Variants in KANSL1 observed in about 807,000 individuals in gnomAD.
The protein encoded by KANSL1 is KAT8 regulatory NSL complex subunit 1, also known as MLL1/MLL complex subunit KANSL1.
A neutral mutation model predicts 103.6 loss-of-function variants in KANSL1; 22 were observed. The observed-to-expected ratio is 0.21, with a 90% confidence interval of 0.15 to 0.30. The LOEUF is 0.30. KANSL1 is among the 10% of genes least tolerant of loss of function. The pLI is 1.00. For missense variants in KANSL1, 1,337 were observed against 1,399.8 expected, an observed-to-expected ratio of 0.96 and a Z score of 0.72; for synonymous variants, 600 against 527.6, an observed-to-expected ratio of 1.14 and a Z score of -1.88.
At position 46,031,061 on chromosome 17, in the gene KANSL1, G is replaced by A. The variant is rs988842186; in HGVS notation, c.*415C>T. On this transcript the variant is annotated 3_prime_UTR_variant, in exon 15 of 15. Coordinates refer to ENST00000432791, the MANE Select transcript of KANSL1 (RefSeq NM_015443.4). ...ACAGATGGGAGGGGAGGGGGTAAGA[G>A]TCCAGAGCACCCTGCCCCATTCCAC... The A allele has an allele frequency of 1.0e-4, 18 of 180,238 alleles. No homozygotes were observed. Among genetic ancestry groups the A allele is most frequent in the Non-Finnish European group, 2.0e-4 (17 of 84,536 alleles). The allele number at this position is 180,238 out of a possible 1,614,324, so 11.2% of individuals were successfully genotyped here.
intron 1 of KANSL1, among the ~76,000 whole-genome samples, chr17:46,177,067 G>A (rs375494416): frequency 3.3e-5 from 5 of 152,268 alleles, no homozygotes; most frequent in African/African-American, 1.2e-4. Context: ...TAAGTAAGAG[G>A]AGCACTGACT....
chr17:46,183,939 G>C (rs576845105), intron 1 of KANSL1, among the ~76,000 whole-genome samples: 19 of 152,224 alleles, frequency 1.2e-4, no homozygotes, highest in African/African-American at 4.3e-4. Flanking sequence ...GAAATGAGTA[G>C]AATTCAGCAT....
At chr17:46,074,848 G>A (rs2078703438) in intron 4 of KANSL1, among the ~76,000 whole-genome samples, 1 of 152,010 alleles carries the variant, frequency 6.6e-6, no homozygotes, top group Non-Finnish European at 1.5e-5. Context: ...TAATTTTACA[G>A]AGGAGAAAGC....
At chr17:46,160,932 T>G (rs2045702187) in intron 2 of KANSL1, among the ~76,000 whole-genome samples, 1 of 152,208 alleles carries the variant, frequency 6.6e-6, no homozygotes, top group African/African-American at 2.4e-5. Flanking sequence ...TACTTAAACT[T>G]TCCATTCTGC....
intron 2 of KANSL1, among the ~76,000 whole-genome samples, chr17:46,156,326 G>T (rs896691252): frequency 6.6e-6 from 1 of 152,104 alleles, no homozygotes; most frequent in Non-Finnish European, 1.5e-5. Context: ...CAGCCTGGGC[G>T]ACAGACCGAG....
chr17:46,149,253 G>A (rs952713713), intron 2 of KANSL1, among the ~76,000 whole-genome samples: 8 of 151,976 alleles, frequency 5.3e-5, no homozygotes, highest in Non-Finnish European at 7.4e-5. Context: ...CGCCCGTCTC[G>A]GCCTCCCAAA....
rs114609727 is a variant in KANSL1 at position 46,071,993 on chromosome 17, C to G, written c.1534-4326G>C. On this transcript the variant is annotated intron_variant, in intron 4 of 14. Transcript: ENST00000432791. ...GAATTGCTCCCCCCACCCCTCCCCC[C>G]GCCCCGATTGAAAGGGCCAGGTGTA... is the stretch of plus-strand genomic sequence containing the variant. Among the ~76,000 whole-genome samples the G allele has an allele frequency of 8.7e-3, 1,297 of 149,180 alleles. 18 individuals carry two copies. The highest frequency in any genetic ancestry group is 0.027 in the African/African-American group (1,114 of 40,742).
intron 7 of KANSL1, among the ~76,000 whole-genome samples, chr17:46,047,260 T>G (rs1160683423): frequency 6.6e-6 from 1 of 152,232 alleles, no homozygotes; most frequent in Non-Finnish European, 1.5e-5. Flanking sequence ...AACAGGGGAT[T>G]ATAGTTATCT....
chr17:46,173,860 A>G (rs768980819), intron 1 of KANSL1, among the ~76,000 whole-genome samples: 2 of 152,232 alleles, frequency 1.3e-5, no homozygotes, highest in African/African-American at 2.4e-5. Context: ...GATGAAAGGG[A>G]AAGTATGCAT....
At chr17:46,144,283 A>AT (rs1159605989) in intron 2 of KANSL1, among the ~76,000 whole-genome samples, 1 of 152,248 alleles carries the variant, frequency 6.6e-6, no homozygotes, top group Non-Finnish European at 1.5e-5. Context: ...TAATCAAAAA[A>AT]TGTTTGTTGA....
intron 2 of KANSL1, among the ~76,000 whole-genome samples, chr17:46,102,770 G>A (rs2042376553): frequency 6.6e-6 from 1 of 152,156 alleles, no homozygotes; most frequent in African/African-American, 2.4e-5. Context: ...TAGTTACCAA[G>A]AATTAGACTA....
intron 3 of KANSL1, chr17:46,093,718 G>A (rs575227072): frequency 6.6e-6 from 1 of 152,314 alleles, no homozygotes; most frequent in African/African-American, 2.4e-5. Context: ...AGGTCAAAAA[G>A]GCATTTTGAC....
intron 1 of KANSL1, among the ~76,000 whole-genome samples, chr17:46,204,016 G>A (rs1478976022): frequency 6.6e-6 from 1 of 152,112 alleles, no homozygotes; most frequent in Non-Finnish European, 1.5e-5. Flanking sequence ...CTCACGGGTA[G>A]GGGAGCAGGG....
At chr17:46,188,822 G>A (rs991688837) in intron 1 of KANSL1, among the ~76,000 whole-genome samples, 2 of 151,934 alleles carry the variant, frequency 1.3e-5, no homozygotes, top group Admixed American at 6.6e-5. Context: ...CCTGAGGTCC[G>A]GAGTTCAACA....
At chr17:46,066,337 G>C (rs1007009932) in intron 6 of KANSL1, among the ~76,000 whole-genome samples, 200 bp downstream of exon 6, 1 of 152,188 alleles carries the variant, frequency 6.6e-6, no homozygotes, top group African/African-American at 2.4e-5. Flanking sequence ...AGTCACCGAG[G>C]AGCTTTGTGT....
intron 3 of KANSL1, 131 bp downstream of exon 3, chr17:46,094,429 G>T: frequency 9.0e-7 from 1 of 1,113,488 alleles, no homozygotes; most frequent in Non-Finnish European, 1.3e-6. Context: ...CACTATATCA[G>T]GTCATTAAAC....
intron 1 of KANSL1, among the ~76,000 whole-genome samples, chr17:46,207,152 G>A (rs12602345): frequency 0.14 from 21,000 of 150,604 alleles, 1,745 homozygotes; most frequent in East Asian, 0.46. Context: ...GCACACACCT[G>A]TAGTCCTAGC....
At chr17:46,138,484 T>C (rs2044263588) in intron 2 of KANSL1, among the ~76,000 whole-genome samples, 1 of 152,226 alleles carries the variant, frequency 6.6e-6, no homozygotes, top group Non-Finnish European at 1.5e-5. Context: ...ACAAATACTA[T>C]CCCATCTTAT....
At chr17:46,185,028 G>C (rs1308697255) in intron 1 of KANSL1, among the ~76,000 whole-genome samples, 1 of 152,008 alleles carries the variant, frequency 6.6e-6, no homozygotes, top group Non-Finnish European at 1.5e-5. Flanking sequence ...TTTTAGTAGA[G>C]ACAGGGTTCC....
Sources: allele counts gnomAD v4.1 joint callset (sites outside exome capture counted in the v4.1 genomes callset), GRCh38; gene constraint gnomAD v4.1.1; transcripts MANE v1.5; gene names NCBI Gene and HGNC (gene_info 2026-07-23, HGNC 2026-07-21).